Variants in IMMP2L observed in about 807,000 individuals in gnomAD.
The protein encoded by IMMP2L is mitochondrial inner membrane protease subunit 2.
IMMP2L carries 18 observed loss-of-function variants against 19.3 expected under a neutral mutation model. The ratio of observed to expected loss-of-function variants is 0.93; its 90% CI spans 0.64 to 1.38. The LOEUF (loss-of-function observed/expected upper bound fraction) is 1.38. IMMP2L is among the 40% of genes most tolerant of loss of function. The probability of loss-of-function intolerance (pLI) is 0.00; values close to 1 mark genes in which losing one functional copy is unlikely to be tolerated. For missense variants in IMMP2L, 233 were observed against 218.2 expected, an observed-to-expected ratio of 1.07 and a Z score of -0.43; for synonymous variants, 76 against 73.0, an observed-to-expected ratio of 1.04 and a Z score of -0.21.
At chr7:111,551,495 GGTGTGTGTGTGTGT>G (rs60697579) in intron 1 of IMMP2L, among the ~76,000 whole-genome samples, 13 of 145,354 alleles carry the variant, frequency 8.9e-5, no homozygotes, top group South Asian at 2.3e-4. Flanking sequence ...GACTGTTAGA[GGTGTGTGTGTGTGT>G]GTGTGTGTGT....
At position 110,887,271 on chromosome 7, in the gene IMMP2L, C is replaced by T. The variant is rs185280372; in HGVS notation, c.306-576G>A. ...AATTTTTAACCAGCACTAAAGTATT[C>T]CTAAAAATGAAATTTTTTTAACAAT... On this transcript the variant is annotated intron_variant, in intron 4 of 5. Coordinates refer to ENST00000405709, the MANE Select transcript of IMMP2L (RefSeq NM_032549.4). 4.7e-3 allele frequency among the ~76,000 whole-genome samples: 711 copies of T among 152,082 alleles called. 5 individuals carry two copies. Among genetic ancestry groups the T allele is most frequent in the African/African-American group, 0.016 (673 of 41,504 alleles).
intron 1 of IMMP2L, among the ~76,000 whole-genome samples, chr7:111,559,582 C>T (rs576486485): frequency 6.6e-6 from 1 of 152,182 alleles, no homozygotes; most frequent in South Asian, 2.1e-4. Context: ...ATCAGATACA[C>T]CAGGTGAACC....
At chr7:111,547,155 C>A (rs1322460498) in intron 1 of IMMP2L, among the ~76,000 whole-genome samples, 1 of 152,144 alleles carries the variant, frequency 6.6e-6, no homozygotes, top group African/African-American at 2.4e-5. Context: ...TTGAGTTTAA[C>A]CAGCACTTCA....
intron 4 of IMMP2L, among the ~76,000 whole-genome samples, chr7:110,890,381 C>A (rs950496836): frequency 2.6e-5 from 4 of 152,114 alleles, no homozygotes; most frequent in Admixed American, 2.6e-4. Flanking sequence ...AAGAACTCTT[C>A]GAGCTATAGA....
intron 3 of IMMP2L, among the ~76,000 whole-genome samples, chr7:111,446,135 C>G (rs1333194716): frequency 1.3e-5 from 2 of 150,176 alleles, no homozygotes; most frequent in East Asian, 1.9e-4. Flanking sequence ...GGGGGAGGGG[C>G]GCCCGCCATT....
In IMMP2L at chr7:111,556,018, G is replaced by GTGTATATATATATATA. The variant is rs777862357; in HGVS notation, c.-3+5832_-3+5833insTATATATATATATACA. Among the ~76,000 whole-genome samples the GTGTATATATATATATA allele has an allele frequency of 1.0e-3, 93 of 91,346 alleles. 1 individual carries two copies. Among genetic ancestry groups the GTGTATATATATATATA allele is most frequent in the Middle Eastern group, 5.3e-3 (1 of 190 alleles). 59.9% of individuals were successfully genotyped at this position (91,346 alleles called of 152,430 possible). A position where few individuals can be genotyped will look rare whatever the true frequency, so the allele number is the denominator to read the frequency against. On this transcript the variant is annotated intron_variant, in intron 1 of 5. Transcript: ENST00000405709. Reference sequence around the variant, plus strand: ...TTAGCCATCCCTCTTCTGTGTGCATGTATATATATATATATATACATACCC... The same window carrying GTGTATATATATATATA: ...TTAGCCATCCCTCTTCTGTGTGCATGTGTATATATATATATATATATATATATATATATACATACCC...
chr7:111,075,039 C>A (rs1326746480), intron 3 of IMMP2L, among the ~76,000 whole-genome samples: 1 of 149,592 alleles, frequency 6.7e-6, no homozygotes, highest in African/African-American at 2.5e-5. Flanking sequence ...GGCTAGGAGG[C>A]AATGGGGTTC....
In IMMP2L at chr7:111,503,148, G is replaced by A. The variant is rs1241060025; in HGVS notation, c.136-15807C>T. 1.4e-4 allele frequency among the ~76,000 whole-genome samples: 21 copies of A among 152,104 alleles called. 1 individual carries two copies. The East Asian group carries it at 1.5e-3, about 11-fold the overall frequency. On this transcript the variant is annotated intron_variant, in intron 2 of 5. Coordinates refer to ENST00000405709, the MANE Select transcript of IMMP2L (RefSeq NM_032549.4). ...AAATGATAAAGGGGATATCACAACC[G>A]ATCCCACAGAAATACAAACTACCAT...
At chr7:111,446,320 G>C (rs758134090) in intron 3 of IMMP2L, among the ~76,000 whole-genome samples, 1 of 145,336 alleles carries the variant, frequency 6.9e-6, no homozygotes, top group East Asian at 1.9e-4. Context: ...TGACAGCTTT[G>C]AAGAGAGCAG....
intron 3 of IMMP2L, among the ~76,000 whole-genome samples, chr7:111,362,472 A>T (rs1829354788): frequency 6.6e-6 from 1 of 151,702 alleles, no homozygotes; most frequent in African/African-American, 2.4e-5. Flanking sequence ...TTTCACATAC[A>T]TTTTTTTTCT....
intron 5 of IMMP2L, among the ~76,000 whole-genome samples, chr7:110,818,168 G>C (rs564868624): frequency 6.6e-6 from 1 of 152,172 alleles, no homozygotes; most frequent in East Asian, 1.9e-4. Flanking sequence ...CCATCAGAGT[G>C]AACAGGCAAC....
intron 3 of IMMP2L, among the ~76,000 whole-genome samples, chr7:111,368,077 C>G (rs2131067855): frequency 6.6e-6 from 1 of 151,600 alleles, no homozygotes; most frequent in South Asian, 2.1e-4. Context: ...TCTATACACA[C>G]TAGATAATCC....
At chr7:111,118,839 G>A (rs1021082301) in intron 3 of IMMP2L, among the ~76,000 whole-genome samples, 6 of 151,982 alleles carry the variant, frequency 3.9e-5, no homozygotes, top group Non-Finnish European at 8.8e-5. Flanking sequence ...TACAGACCAG[G>A]AGAAACAACA....
chr7:111,526,827 C>T (rs1252080694), intron 1 of IMMP2L, among the ~76,000 whole-genome samples: 3 of 152,128 alleles, frequency 2.0e-5, no homozygotes, highest in African/African-American at 4.8e-5. Flanking sequence ...TGGACCTTCA[C>T]AAAACAGCTG....
At chr7:111,480,913 T>C (rs968932323) in intron 3 of IMMP2L, among the ~76,000 whole-genome samples, 2 of 152,296 alleles carry the variant, frequency 1.3e-5, no homozygotes, top group South Asian at 2.1e-4. Context: ...TTAATTTCCT[T>C]GGTTGGTCAA....
rs185566996 is a variant in IMMP2L, at chr7:111,345,938, T to C, written c.239+141300A>G. 6.0e-3 allele frequency among the ~76,000 whole-genome samples: 917 copies of C among 152,298 alleles called. 9 individuals carry two copies. Among genetic ancestry groups the C allele is most frequent in the Middle Eastern group, 0.034 (10 of 294 alleles). Reference sequence around the variant, plus strand: ...CATCTTCCACATCTCCACAAATACTTGGAAGCAGCTATTGCATATCCTCTT... The same window carrying C: ...CATCTTCCACATCTCCACAAATACTCGGAAGCAGCTATTGCATATCCTCTT... On this transcript the variant is annotated intron_variant, in intron 3 of 5. Transcript: ENST00000405709.
intron 3 of IMMP2L, among the ~76,000 whole-genome samples, chr7:110,973,568 A>G (rs563334704): frequency 4.6e-5 from 7 of 152,122 alleles, no homozygotes; most frequent in African/African-American, 1.7e-4. Flanking sequence ...ACCTTTTTCT[A>G]TTATTCTTTA....
chr7:111,263,398 T>G (rs1817520438), intron 3 of IMMP2L, among the ~76,000 whole-genome samples: 2 of 152,090 alleles, frequency 1.3e-5, no homozygotes, highest in Admixed American at 1.3e-4. Context: ...AACCTCAAGT[T>G]TTATGCCCTG....
intron 1 of IMMP2L, among the ~76,000 whole-genome samples, chr7:111,539,206 GAA>G (rs1563330806): frequency 0.095 from 3,883 of 40,790 alleles, 514 homozygotes; most frequent in South Asian, 0.11. Context: ...GAGAAAGAAA[GAA>G]AGAAAGAAAG....
Sources: gnomAD v4.1 joint callset for allele counts (sites outside exome capture counted in the v4.1 genomes callset) on GRCh38, gnomAD v4.1.1 for gene constraint, MANE v1.5 for transcripts, NCBI Gene and HGNC (gene_info 2026-07-23, HGNC 2026-07-21) for gene names.